Variants in SGCD observed in about 807,000 individuals in gnomAD.
The protein encoded by SGCD is delta-sarcoglycan.
SGCD carries 18 observed loss-of-function variants against 36.6 expected under a neutral mutation model. That is an observed-to-expected ratio of 0.49 (90% CI 0.34 to 0.73). The LOEUF (loss-of-function observed/expected upper bound fraction) is 0.73. Among genes scored for constraint, SGCD ranks in the 30% least tolerant of loss-of-function variants. The probability of loss-of-function intolerance (pLI) is 0.01; values close to 1 mark genes in which losing one functional copy is unlikely to be tolerated. For synonymous variants in SGCD, 133 were observed against 130.6 expected, an observed-to-expected ratio of 1.02 and a Z score of -0.12; for missense variants, 387 against 346.7, an observed-to-expected ratio of 1.12 and a Z score of -0.92.
chr5:156,186,297 G>A (rs1393230416), intron 3 of SGCD, among the ~76,000 whole-genome samples: 1 of 152,124 alleles, frequency 6.6e-6, no homozygotes, highest in Non-Finnish European at 1.5e-5. Context: ...CTGGTGGGTA[G>A]TTGGGGGTGA....
chr5:156,211,144 T>A (rs1764429242), intron 3 of SGCD, among the ~76,000 whole-genome samples: 1 of 151,824 alleles, frequency 6.6e-6, no homozygotes, highest in South Asian at 2.1e-4. Context: ...AAACGTTGGA[T>A]GATATATTCA....
chr5:156,143,422 G>A (rs910560347), intron 3 of SGCD, among the ~76,000 whole-genome samples: 1 of 152,214 alleles, frequency 6.6e-6, no homozygotes, highest in Admixed American at 6.5e-5. Flanking sequence ...GCACTGCCTA[G>A]TGGAACTGTG....
chr5:156,338,885 G>A (rs529481544), intron 2 of SGCD, among the ~76,000 whole-genome samples: 3 of 152,056 alleles, frequency 2.0e-5, no homozygotes, highest in Admixed American at 6.5e-5. Context: ...AGTCCAAGTC[G>A]ATCCTTGACT....
chr5:156,030,885 G>T (rs974773733), intron 1 of SGCD, among the ~76,000 whole-genome samples: 2 of 152,208 alleles, frequency 1.3e-5, no homozygotes, highest in African/African-American at 4.8e-5. Flanking sequence ...CATGGACTGT[G>T]TCTAGGGAGA....
intron 3 of SGCD, among the ~76,000 whole-genome samples, chr5:156,496,834 T>C (rs6886828): frequency 0.29 from 44,726 of 151,954 alleles, 6,754 homozygotes; most frequent in Non-Finnish European, 0.32. Flanking sequence ...GTCATCTGTA[T>C]CCCTGAGTGA....
chr5:156,452,652 T>G (rs1331762697), intron 3 of SGCD, among the ~76,000 whole-genome samples: 4 of 152,324 alleles, frequency 2.6e-5, no homozygotes, highest in Non-Finnish European at 5.9e-5. Context: ...CCTTGGATTT[T>G]CTTTCCTAAC....
intron 4 of SGCD, among the ~76,000 whole-genome samples, chr5:156,512,950 G>A (rs1039840098): frequency 1.3e-5 from 2 of 151,848 alleles, no homozygotes; most frequent in Non-Finnish European, 1.5e-5. Context: ...CTGCAATGGG[G>A]CTATGTCTTG....
intron 1 of SGCD, among the ~76,000 whole-genome samples, chr5:156,027,094 A>T (rs1167529116): frequency 6.6e-6 from 1 of 152,222 alleles, no homozygotes; most frequent in African/African-American, 2.4e-5. Context: ...TCTCAAATAA[A>T]TAAAGGCATT....
intron 3 of SGCD, among the ~76,000 whole-genome samples, chr5:156,206,415 C>T (rs1764279723): frequency 2.0e-5 from 3 of 151,932 alleles, no homozygotes; most frequent in Admixed American, 2.0e-4. Flanking sequence ...ATAGAGTATT[C>T]TTAGGTATTG....
chr5:156,708,070 TG>T (rs979581431), intron 7 of SGCD, among the ~76,000 whole-genome samples: 6 of 152,178 alleles, frequency 3.9e-5, no homozygotes, highest in African/African-American at 1.4e-4. Context: ...GTGCTAGTTT[TG>T]GGGTTACTTG....
chr5:156,037,198 G>A (rs146293105), intron 1 of SGCD, among the ~76,000 whole-genome samples: 1 of 152,300 alleles, frequency 6.6e-6, no homozygotes, highest in East Asian at 1.9e-4. Flanking sequence ...AGATGACGGA[G>A]GACCAGATCT....
chr5:155,971,562 G>GCAGACAATT (rs1469920504), intron 1 of SGCD, among the ~76,000 whole-genome samples: 1 of 151,996 alleles, frequency 6.6e-6, no homozygotes, highest in Non-Finnish European at 1.5e-5. Flanking sequence ...CATAAGATTG[G>GCAGACAATT]CAGACAATTG....
chr5:156,029,943 G>GC (rs1304290851), intron 1 of SGCD, among the ~76,000 whole-genome samples: 2 of 152,076 alleles, frequency 1.3e-5, no homozygotes, highest in East Asian at 3.9e-4. Context: ...CCCCCAGAAA[G>GC]CCTTCGCCAA....
intron 1 of SGCD, among the ~76,000 whole-genome samples, chr5:155,893,191 T>C (rs1756176917): frequency 6.9e-6 from 1 of 144,278 alleles, no homozygotes. Flanking sequence ...GATTTGGTCA[T>C]TATACTATAT....
chr5:155,770,864 T>C, the SGCD span, among the ~76,000 whole-genome samples: 1 of 152,180 alleles, frequency 6.6e-6, no homozygotes, highest in African/African-American at 2.4e-5. Context: ...AATCTCCTAT[T>C]TTCAGTTCAT....
intron 3 of SGCD, among the ~76,000 whole-genome samples, chr5:156,266,490 TA>T (rs1201852209): frequency 6.6e-6 from 1 of 152,200 alleles, no homozygotes; most frequent in African/African-American, 2.4e-5. Flanking sequence ...GTTTTGACAT[TA>T]AAAAATTTTG....
At chr5:155,815,751 C>T in the SGCD span, among the ~76,000 whole-genome samples, 1 of 152,120 alleles carries the variant, frequency 6.6e-6, no homozygotes, top group Admixed American at 6.6e-5. Flanking sequence ...ATGAGAATAG[C>T]AAGGGGGAAG....
intron 1 of SGCD, among the ~76,000 whole-genome samples, chr5:156,071,426 T>G (rs1166039673): frequency 2.0e-5 from 3 of 152,210 alleles, no homozygotes; most frequent in Non-Finnish European, 4.4e-5. Flanking sequence ...TCAGTTTCCA[T>G]GTAGTTGAGC....
chr5:156,106,377 G>C (rs572809922), intron 1 of SGCD, among the ~76,000 whole-genome samples: 1 of 152,166 alleles, frequency 6.6e-6, no homozygotes. Flanking sequence ...CTTTGCTGTG[G>C]CATTCATGTG....
Sources: gnomAD v4.1 joint callset for allele counts (sites outside exome capture counted in the v4.1 genomes callset) on GRCh38, gnomAD v4.1.1 for gene constraint, MANE v1.5 for transcripts, NCBI Gene and HGNC (gene_info 2026-07-23, HGNC 2026-07-21) for gene names.